Variants in MYO9B observed in about 807,000 individuals in gnomAD.
MYO9B encodes unconventional myosin-IXb.
Under a neutral mutation model 229.5 loss-of-function variants are expected in MYO9B, and 71 were observed. That is an observed-to-expected ratio of 0.31 (90% CI 0.26 to 0.38). The LOEUF is 0.38. Ranked by LOEUF, MYO9B falls within the 10% of genes least tolerant of loss-of-function variation. The pLI is 1.00. For synonymous variants in MYO9B, 1,185 were observed against 1,235.8 expected, an observed-to-expected ratio of 0.96 and a Z score of 0.86; for missense variants, 2,255 against 2,920.5, an observed-to-expected ratio of 0.77 and a Z score of 5.25.
chr19:17,159,704 CTG>C (rs1161954097), intron 8 of MYO9B, among the ~76,000 whole-genome samples: 2 of 152,270 alleles, frequency 1.3e-5, no homozygotes, highest in East Asian at 1.9e-4. Context: ...GCATTCAACT[CTG>C]TGTTTCCAGA....
chr19:17,078,973 C>T (rs2057510693), intron 1 of MYO9B, among the ~76,000 whole-genome samples: 1 of 152,202 alleles, frequency 6.6e-6, no homozygotes, highest in Non-Finnish European at 1.5e-5. Flanking sequence ...CCGTTTCTCA[C>T]CCGCATCACC....
At chr19:17,174,912 C>CAA (rs2072767385) in intron 13 of MYO9B, among the ~76,000 whole-genome samples, 1 of 149,636 alleles carries the variant, frequency 6.7e-6, no homozygotes, top group Admixed American at 6.7e-5. Context: ...CCAGCCCAGG[C>CAA]GACAGTGCAA....
chr19:17,200,076 T>C (rs1316159723), intron 24 of MYO9B, among the ~76,000 whole-genome samples: 1 of 152,140 alleles, frequency 6.6e-6, no homozygotes, highest in African/African-American at 2.4e-5. Context: ...TTTTGCCATG[T>C]TGGCCAGGCT....
chr19:17,131,754 A>G (rs1162191877), intron 2 of MYO9B, among the ~76,000 whole-genome samples: 1 of 152,200 alleles, frequency 6.6e-6, no homozygotes, highest in Non-Finnish European at 1.5e-5. Flanking sequence ...AGGAAGAGGC[A>G]AGACTGCCTC....
intron 11 of MYO9B, among the ~76,000 whole-genome samples, chr19:17,169,369 CT>C (rs1391168799): frequency 8.3e-5 from 5 of 60,068 alleles, no homozygotes; most frequent in African/African-American, 3.7e-4. Context: ...AAGACTCTGT[CT>C]CAAAAAAAAA....
At chr19:17,121,801 C>T (rs2057968387) in intron 2 of MYO9B, among the ~76,000 whole-genome samples, 1 of 151,828 alleles carries the variant, frequency 6.6e-6, no homozygotes, top group Non-Finnish European at 1.5e-5. Flanking sequence ...GCCTGGGAAA[C>T]ATGGTAAAAC....
intron 1 of MYO9B, among the ~76,000 whole-genome samples, chr19:17,080,414 T>C (rs1358604317): frequency 2.0e-5 from 3 of 152,146 alleles, no homozygotes; most frequent in African/African-American, 7.2e-5. Context: ...GTTCCACGCC[T>C]CTCTCTGTTG....
intron 24 of MYO9B, among the ~76,000 whole-genome samples, chr19:17,199,816 T>C (rs2073087808): frequency 6.6e-6 from 1 of 151,350 alleles, no homozygotes; most frequent in Non-Finnish European, 1.5e-5. Flanking sequence ...AGTGCTGAGA[T>C]TACATAGGCG....
Position 17,090,118 on chromosome 19 carries a change from C to CTTTTTT in MYO9B, c.-58-11504_-58-11499dup, listed in dbSNP as rs59440394. ...TATAGCATGAATCGGTGCTTCCTTCCTTTTTTTTTTTTTTTTTTTTTTTTT... is the reference window on the plus strand; with the variant it reads ...TATAGCATGAATCGGTGCTTCCTTCCTTTTTTTTTTTTTTTTTTTTTTTTTTTTTTT... On this transcript the variant is annotated intron_variant, in intron 1 of 39. Coordinates refer to ENST00000682292, the MANE Select transcript of MYO9B (RefSeq NM_004145.4). Among the ~76,000 whole-genome samples the CTTTTTT allele has an allele frequency of 1.7e-3, 82 of 49,236 alleles. 13 individuals are homozygous for CTTTTTT. Among genetic ancestry groups the CTTTTTT allele is most frequent in the Non-Finnish European group, 2.1e-3 (56 of 26,926 alleles). 32.3% of individuals were successfully genotyped at this position (49,236 alleles called of 152,430 possible).
intron 1 of MYO9B, among the ~76,000 whole-genome samples, chr19:17,100,667 C>G (rs559636333): frequency 1.3e-5 from 2 of 152,176 alleles, no homozygotes; most frequent in South Asian, 4.2e-4. Flanking sequence ...TTCCTTGTTG[C>G]CCGTGACCTT....
At chr19:17,177,006 G>A (rs1568286933) in intron 14 of MYO9B, among the ~76,000 whole-genome samples, 1 of 152,092 alleles carries the variant, frequency 6.6e-6, no homozygotes, top group South Asian at 2.1e-4. Context: ...TTTGAGACCC[G>A]CCTGGCCAAC....
chr19:17,172,266 C>A lies in MYO9B; in HGVS notation c.1794-70C>A. The A allele has an allele frequency of 6.3e-7, 1 of 1,584,650 alleles. No individual in the cohort carries two copies. Among genetic ancestry groups the A allele is most frequent in the Non-Finnish European group, 8.6e-7 (1 of 1,163,944 alleles). Reference sequence around the variant, plus strand: ...ACCCACCTCGTGCACCAGGGGTCTGCAAGATAAAATACACAGCAGGTAAAT... The same window carrying A: ...ACCCACCTCGTGCACCAGGGGTCTGAAAGATAAAATACACAGCAGGTAAAT... On this transcript the variant is annotated intron_variant, in intron 11 of 39. Transcript: ENST00000682292. The surrounding 1 kb of genome is among the most constrained non-coding windows in gnomAD (Gnocchi z 8.2).
At chr19:17,081,333 T>C (rs927037520) in intron 1 of MYO9B, among the ~76,000 whole-genome samples, 2 of 152,096 alleles carry the variant, frequency 1.3e-5, no homozygotes, top group African/African-American at 4.8e-5. Context: ...GGCCTCAACT[T>C]ACATTTTTAG....
rs2073005503 is a variant in MYO9B, at chr19:17,193,193, TG to T, written c.3128+133del. On this transcript the variant is annotated intron_variant, in intron 21 of 39. Transcript: ENST00000682292. This position sits in a 1 kb window ranked among gnomAD's most constrained non-coding sequence, Gnocchi z 4.3. ...TGTCATTCTGGACACAGGGAAAGGC[TG>T]GTGGGAAACCAGATGCCTAGGCACT... 3 of 1,109,336 alleles carry T rather than the reference TG, an allele frequency of 2.7e-6. No homozygotes were observed. Among genetic ancestry groups the T allele is most frequent in the African/African-American group, 1.6e-5 (1 of 62,786 alleles). The allele number at this position is 1,109,336 out of a possible 1,614,324, so 68.7% of individuals were successfully genotyped here.
Position 17,207,307 on chromosome 19 carries a change from C to T in MYO9B, c.5624+63C>T. The T allele has an allele frequency of 3.9e-6, 6 of 1,547,410 alleles. No homozygotes were observed. In the Admixed American group the frequency reaches 9.6e-5, roughly 25 times the overall value. ...AGCCCCACCCAGGACCCCACGACAG[C>T]TCCATCCATCCCTGTGTAAATAAAT... On this transcript the variant is annotated intron_variant, in intron 35 of 39. Coordinates refer to ENST00000682292, the MANE Select transcript of MYO9B (RefSeq NM_004145.4).
At chr19:17,148,965 C>T (rs544309824) in intron 3 of MYO9B, among the ~76,000 whole-genome samples, 1 of 152,128 alleles carries the variant, frequency 6.6e-6, no homozygotes, top group Non-Finnish European at 1.5e-5. Flanking sequence ...AACTTAATGG[C>T]CTCTGCAAAG....
At chr19:17,176,800 C>T (rs1599395022) in intron 14 of MYO9B, among the ~76,000 whole-genome samples, 1 of 152,274 alleles carries the variant, frequency 6.6e-6, no homozygotes. Flanking sequence ...GTCAGAAACA[C>T]ATACACTTTG....
At position 17,183,214 on chromosome 19, in the gene MYO9B, G is replaced by A. The variant is rs367769399; in HGVS notation, c.2334-615G>A. Among the ~76,000 whole-genome samples, 36 of 152,286 alleles carry A rather than the reference G, an allele frequency of 2.4e-4. No homozygotes were observed. The East Asian group carries it at 5.0e-3, about 21-fold the overall frequency. The stretch of plus-strand genomic sequence containing the variant: ...TGGGATTACAGGCGTGAGCCACTGC[G>A]CCTGGCCAGCTTTGGTTTTCTTCTT... On this transcript the variant is annotated intron_variant, in intron 15 of 39. Transcript: ENST00000682292.
At chr19:17,169,371 C>CA (rs58898086) in intron 11 of MYO9B, among the ~76,000 whole-genome samples, 7,008 of 88,784 alleles carry the variant, frequency 0.079, 353 homozygotes, top group South Asian at 0.091. Context: ...GACTCTGTCT[C>CA]AAAAAAAAAA....
Sources: allele counts gnomAD v4.1 joint callset (sites outside exome capture counted in the v4.1 genomes callset), GRCh38; gene constraint gnomAD v4.1.1; non-coding constraint Gnocchi (gnomAD v3.1); transcripts MANE v1.5; gene names NCBI Gene and HGNC (gene_info 2026-07-23, HGNC 2026-07-21).